SF3A3: variants seen among roughly 807,000 people sequenced by gnomAD.
SF3A3 encodes SAP 61.
Under a neutral mutation model 85.8 loss-of-function variants are expected in SF3A3, and 9 were observed. That is an observed-to-expected ratio of 0.10 (90% CI 0.06 to 0.18). The LOEUF (loss-of-function observed/expected upper bound fraction) is 0.18, where lower values mean the gene tolerates loss of function less well. Ranked by LOEUF, SF3A3 falls within the 10% of genes least tolerant of loss-of-function variation. The pLI is 1.00. For synonymous variants in SF3A3, 195 were observed against 204.4 expected (o/e 0.95, Z 0.39); for missense variants, 306 against 593.3 (o/e 0.52, Z 5.03).
chr1:37,972,637 A>G (rs1646351786), intron 12 of SF3A3, among the ~76,000 whole-genome samples: 1 of 152,254 alleles, frequency 6.6e-6, no homozygotes, highest in Non-Finnish European at 1.5e-5. Flanking sequence ...ACAAGGCTAC[A>G]GTAACCAAAA....
chr1:37,983,722 G>T (rs1029227591), intron 6 of SF3A3, among the ~76,000 whole-genome samples: 2 of 151,588 alleles, frequency 1.3e-5, no homozygotes, highest in African/African-American at 4.9e-5. Context: ...ATCATTTGAG[G>T]TCAGGAGTTT....
At chr1:37,960,405 C>T in intron 15 of SF3A3, 1 of 491,902 alleles carries the variant, frequency 2.0e-6, no homozygotes, top group African/African-American at 1.9e-5. Context: ...TCAAATATAA[C>T]CAAAGACCTC....
chr1:37,960,221 G>A, intron 15 of SF3A3, 46 bp from the exon 16 acceptor site: 2 of 1,562,746 alleles, frequency 1.3e-6, no homozygotes, highest in Admixed American at 1.7e-5. Context: ...CTGAACATCT[G>A]TTGGGTATCC....
chr1:37,978,523 A>C (rs978482687), intron 11 of SF3A3, among the ~76,000 whole-genome samples, 197 bp downstream of exon 11: 3 of 152,180 alleles, frequency 2.0e-5, no homozygotes, highest in Non-Finnish European at 4.4e-5. Flanking sequence ...GCTCTCAATC[A>C]GATGAATACA....
chr1:37,968,764 AGAG>A (rs1646319515), intron 14 of SF3A3, among the ~76,000 whole-genome samples: 1 of 152,172 alleles, frequency 6.6e-6, no homozygotes, highest in Non-Finnish European at 1.5e-5. Flanking sequence ...AGAGAGGGGG[AGAG>A]GAGTTCATAT....
chr1:37,965,374 T>C (rs1213021003), intron 15 of SF3A3, among the ~76,000 whole-genome samples: 1 of 148,030 alleles, frequency 6.8e-6, no homozygotes, highest in Non-Finnish European at 1.5e-5. Flanking sequence ...TCATAAGAAG[T>C]CAAGAAATTA....
intron 4 of SF3A3, among the ~76,000 whole-genome samples, chr1:37,986,093 C>T (rs983972290): frequency 7.2e-5 from 11 of 151,984 alleles, no homozygotes; most frequent in Non-Finnish European, 1.6e-4. Flanking sequence ...GGATCACAGG[C>T]GTGCACCACC....
At chr1:37,964,000 G>A (rs947313791) in intron 15 of SF3A3, among the ~76,000 whole-genome samples, 6 of 151,386 alleles carry the variant, frequency 4.0e-5, no homozygotes, top group South Asian at 4.2e-4. Context: ...CCAGCATGGT[G>A]AAACCCCATC....
intron 10 of SF3A3, 73 bp from the exon 11 acceptor site, chr1:37,978,900 G>C (rs1035633518): frequency 6.5e-7 from 1 of 1,550,190 alleles, no homozygotes; most frequent in Non-Finnish European, 8.9e-7. Flanking sequence ...GCAGTGTGGA[G>C]CAACAAAAAA....
intron 2 of SF3A3, among the ~76,000 whole-genome samples, chr1:37,988,651 G>T (rs1646471568): frequency 6.6e-6 from 1 of 152,116 alleles, no homozygotes; most frequent in African/African-American, 2.4e-5. Flanking sequence ...GTCCAAGTAG[G>T]TCTTTTATTC....
chr1:37,982,812 T>C (rs907506545), intron 6 of SF3A3, among the ~76,000 whole-genome samples: 9 of 152,152 alleles, frequency 5.9e-5, no homozygotes, highest in Admixed American at 5.9e-4. Context: ...CACATAAATC[T>C]GGGTGGGCAC....
intron 11 of SF3A3, 48 bp downstream of exon 11, chr1:37,978,672 G>T: frequency 1.6e-6 from 2 of 1,232,384 alleles, no homozygotes; most frequent in East Asian, 2.5e-5. Flanking sequence ...TTCTGCATGG[G>T]AATAACATTT....
intron 6 of SF3A3, among the ~76,000 whole-genome samples, chr1:37,983,586 C>CAAAAAAAAAAAAAAA (rs371317065): frequency 0.023 from 875 of 38,438 alleles, 226 homozygotes; most frequent in African/African-American, 0.071. Flanking sequence ...GACCCTGTCT[C>CAAAAAAAAAAAAAAA]AAAAAAAAAA....
At chr1:37,964,029 A>AT (rs1318324175) in intron 15 of SF3A3, among the ~76,000 whole-genome samples, 18 of 151,836 alleles carry the variant, frequency 1.2e-4, no homozygotes, top group African/African-American at 3.1e-4. Flanking sequence ...AAATACAAAA[A>AT]TTAGCTGGGT....
At chr1:37,961,444 C>T (rs1445997151) in intron 15 of SF3A3, among the ~76,000 whole-genome samples, 9 of 151,482 alleles carry the variant, frequency 5.9e-5, no homozygotes, top group South Asian at 2.1e-4. Flanking sequence ...ATTAGCCGAG[C>T]GTGGTGGTGC....
intron 2 of SF3A3, 106 bp downstream of exon 2, chr1:37,989,442 T>G: frequency 1.6e-6 from 2 of 1,249,104 alleles, no homozygotes; most frequent in Non-Finnish European, 2.2e-6. Flanking sequence ...GACTGGCCAA[T>G]CCGGTTACCT....
At position 37,965,927 on chromosome 1, in the gene SF3A3, G is replaced by A. The variant is rs145232145; in HGVS notation, c.1372+2117C>T. Among the ~76,000 whole-genome samples the A allele has an allele frequency of 5.4e-3, 827 of 152,294 alleles. 10 individuals carry two copies. The highest frequency in any genetic ancestry group is 0.018 in the African/African-American group (755 of 41,560). Reference sequence around the variant, plus strand: ...AAGAATATAAAAAGCCGGGATGGGCGCGGTGGCTAACGCCTGTAATCCCAG... The same window carrying A: ...AAGAATATAAAAAGCCGGGATGGGCACGGTGGCTAACGCCTGTAATCCCAG... On this transcript the variant is annotated intron_variant, in intron 15 of 16. Transcript: ENST00000373019.
At chr1:37,986,494 T>C (rs923996696) in intron 4 of SF3A3, among the ~76,000 whole-genome samples, 3 of 152,080 alleles carry the variant, frequency 2.0e-5, no homozygotes, top group Non-Finnish European at 4.4e-5. Flanking sequence ...CCTTTTTCTC[T>C]TTACCTTATT....
chr1:37,978,186 A>C (rs1186955312), intron 11 of SF3A3, among the ~76,000 whole-genome samples: 1 of 151,690 alleles, frequency 6.6e-6, no homozygotes, highest in Admixed American at 6.6e-5. Flanking sequence ...AAAAATACAA[A>C]AAATCAGCCA....
Sources: gnomAD v4.1 joint callset for allele counts (sites outside exome capture counted in the v4.1 genomes callset) on GRCh38, gnomAD v4.1.1 for gene constraint, MANE v1.5 for transcripts, NCBI Gene and HGNC (gene_info 2026-07-23, HGNC 2026-07-21) for gene names.